GOLGA3: variants seen among roughly 807,000 people sequenced by gnomAD.
GOLGA3 encodes golgin subfamily A member 3.
Under a neutral mutation model 169.4 loss-of-function variants are expected in GOLGA3, and 75 were observed. That is an observed-to-expected ratio of 0.44 (90% CI 0.37 to 0.54). The LOEUF (loss-of-function observed/expected upper bound fraction) is 0.54, where lower values mean the gene tolerates loss of function less well. Ranked by LOEUF, GOLGA3 falls within the 20% of genes least tolerant of loss-of-function variation. The pLI is 0.00. For missense variants in GOLGA3, 1,899 were observed against 1,930.0 expected (o/e 0.98, Z 0.30); for synonymous variants, 824 against 822.4 (o/e 1.00, Z -0.03).
At chr12:132,820,260 G>A (rs1950154019) in intron 2 of GOLGA3, among the ~76,000 whole-genome samples, 1 of 151,982 alleles carries the variant, frequency 6.6e-6, no homozygotes, top group South Asian at 2.1e-4. Context: ...GATCACTTAA[G>A]CCCAGGAGTT....
chr12:132,784,747 G>A (rs1380844680), intron 15 of GOLGA3, among the ~76,000 whole-genome samples: 2 of 145,652 alleles, frequency 1.4e-5, no homozygotes, highest in African/African-American at 2.5e-5. Flanking sequence ...ACACGCACAT[G>A]CTCACACCCC....
At chr12:132,785,354 G>A (rs55866381) in intron 15 of GOLGA3, among the ~76,000 whole-genome samples, 48,067 of 152,036 alleles carry the variant, frequency 0.32, 9,352 homozygotes, top group Non-Finnish European at 0.44. Context: ...CGCCCGGGCT[G>A]GAGTGCAGCA....
intron 10 of GOLGA3, 94 bp downstream of exon 10, chr12:132,796,445 A>AC: frequency 7.1e-7 from 1 of 1,401,952 alleles, no homozygotes. Flanking sequence ...ACGTGGCCCC[A>AC]CAGCAGAGGA....
rs141925656 is a variant in GOLGA3, at chr12:132,801,329, C to A, written c.1800+438G>T. Among the ~76,000 whole-genome samples, 6 of 152,292 alleles carry A rather than the reference C, an allele frequency of 3.9e-5. No individual in the cohort carries two copies. The East Asian group carries it at 1.2e-3, about 30-fold the overall frequency. ...GAAAAGCTCCAACCGGGAAGAGAAC[C>A]CCACTGGCACCGCACGCCTGTGAGA... On this transcript the variant is annotated intron_variant, in intron 8 of 23. Coordinates refer to ENST00000450791, the MANE Select transcript of GOLGA3 (RefSeq NM_001389683.1).
intron 4 of GOLGA3, among the ~76,000 whole-genome samples, chr12:132,811,482 A>T (rs115250236): frequency 0.08 from 11,899 of 149,262 alleles, 930 homozygotes; most frequent in African/African-American, 0.19. Flanking sequence ...TTGCATTTTT[A>T]TTTTTTTTTT....
At chr12:132,790,747 T>C (rs2046181022) in intron 12 of GOLGA3, among the ~76,000 whole-genome samples, 1 of 151,698 alleles carries the variant, frequency 6.6e-6, no homozygotes. Context: ...ATTAAGTACC[T>C]TTAAAAAAAG....
chr12:132,827,556 T>C (rs545225602), intron 1 of GOLGA3: 1 of 152,362 alleles, frequency 6.6e-6, no homozygotes, highest in African/African-American at 2.4e-5. Flanking sequence ...CGATTTTCCC[T>C]TTAGTTGTTG....
Position 132,782,490 on chromosome 12 carries a change from G to A in GOLGA3, c.3271C>T (p.Gln1091Ter), listed in dbSNP as rs2045658413. The A allele has an allele frequency of 1.2e-6, 2 of 1,612,370 alleles. No homozygotes were observed. Among genetic ancestry groups the A allele is most frequent in the Admixed American group, 3.3e-5 (2 of 60,004 alleles). The change falls in exon 17 of 24, where the codon CAA (glutamine) becomes TAA (stop). Residue 1091 changes from glutamine (Q) to a stop codon, truncating the protein, a stop_gained. Transcript: ENST00000450791. LOFTEE classifies it high-confidence loss of function. ...EKVLELEDEL[Q>*]ESRGFRKKIK... ...TTCTTCCTAAAGCCTCTGGATTCTT[G>A]AAGCTGAAACATACCAATGTCACTG...
rs34633724 is a variant in GOLGA3, at chr12:132,814,023, C to CT, written c.407-605dup. On this transcript the variant is annotated intron_variant, in intron 3 of 23. Transcript: ENST00000450791. ...ACAGGCGTGAGCCACCGCGCCCGGCCTTTTTTTTTTTTTTTTTTGAGACGG... is the reference window on the plus strand; with the variant it reads ...ACAGGCGTGAGCCACCGCGCCCGGCCTTTTTTTTTTTTTTTTTTTGAGACGG... Among the ~76,000 whole-genome samples, 707 of 102,956 alleles carry CT rather than the reference C, an allele frequency of 6.9e-3. 6 individuals carry two copies. Among genetic ancestry groups the CT allele is most frequent in the Non-Finnish European group, 0.01 (549 of 52,842 alleles). The allele number at this position is 102,956 out of a possible 152,430, so 67.5% of individuals were successfully genotyped here.
chr12:132,820,978 T>C (rs1220684003), intron 2 of GOLGA3, among the ~76,000 whole-genome samples: 2 of 151,074 alleles, frequency 1.3e-5, no homozygotes, highest in African/African-American at 2.4e-5. Context: ...CAGGTGCCTG[T>C]AGTCCCAGCT....
intron 9 of GOLGA3, among the ~76,000 whole-genome samples, chr12:132,797,887 G>A (rs1462478848): frequency 2.0e-5 from 3 of 152,240 alleles, no homozygotes; most frequent in Admixed American, 6.5e-5. Flanking sequence ...TGCAGTCTGA[G>A]TGCTCAGTAA....
chr12:132,776,935 G>A, intron 20 of GOLGA3, 23 bp downstream of exon 20: 2 of 1,562,410 alleles, frequency 1.3e-6, no homozygotes, highest in Admixed American at 3.7e-5. Context: ...AGCCCTGCAA[G>A]TCCAGCCCCC....
chr12:132,821,978 A>C lies in GOLGA3; in HGVS notation c.133+18T>G. ...AGGTCCTCCTGTGACCAGCACACAGAGGAACCTCACGACTTACACTGGACT... is the reference window on the plus strand; with the variant it reads ...AGGTCCTCCTGTGACCAGCACACAGCGGAACCTCACGACTTACACTGGACT... On this transcript the variant is annotated intron_variant, in intron 2 of 23. Coordinates refer to ENST00000450791, the MANE Select transcript of GOLGA3 (RefSeq NM_001389683.1). 9.5e-6 allele frequency: 15 copies of C among 1,576,956 alleles called. No homozygotes were observed. Among genetic ancestry groups the C allele is most frequent in the Non-Finnish European group, 1.3e-5 (15 of 1,159,138 alleles).
rs1194010736 is a variant in GOLGA3, at chr12:132,787,908, C to G, written c.2811+1119G>C. On this transcript the variant is annotated intron_variant, in intron 13 of 23. Transcript: ENST00000450791. ...AGGACCCTTCCTGAGACCCCAGGACCCTTCCCTGGACCCCCCCCGGATGCC... is the reference window on the plus strand; with the variant it reads ...AGGACCCTTCCTGAGACCCCAGGACGCTTCCCTGGACCCCCCCCGGATGCC... Among the ~76,000 whole-genome samples the G allele has an allele frequency of 1.5e-5, 2 of 137,056 alleles. 1 individual carries two copies. The highest frequency in any genetic ancestry group is 5.5e-5 in the African/African-American group (2 of 36,048). The allele number at this position is 137,056 out of a possible 152,430, so 89.9% of individuals were successfully genotyped here. A position where few individuals can be genotyped will look rare whatever the true frequency, so the allele number is the denominator to read the frequency against.
intron 1 of GOLGA3, among the ~76,000 whole-genome samples, chr12:132,824,833 AAC>A (rs1950346357): frequency 6.6e-6 from 1 of 152,128 alleles, no homozygotes; most frequent in Admixed American, 6.5e-5. Context: ...TTCCAGGAAA[AAC>A]ACTGCGATCT....
chr12:132,799,816 C>T (rs1949042913), intron 8 of GOLGA3, among the ~76,000 whole-genome samples: 1 of 152,036 alleles, frequency 6.6e-6, no homozygotes, highest in South Asian at 2.1e-4. Flanking sequence ...TCTTGGCTCA[C>T]TACAACCTCT....
intron 11 of GOLGA3, among the ~76,000 whole-genome samples, chr12:132,792,259 G>A (rs1389132281): frequency 6.6e-6 from 1 of 152,198 alleles, no homozygotes. Context: ...GGTGGGAGAG[G>A]GGATGAGGCC....
In GOLGA3 at chr12:132,777,029, G is replaced by A. The variant is rs758445674; in HGVS notation, c.3784C>T (p.Arg1262Trp). The change falls in exon 20 of 24, where the codon CGG (arginine) becomes TGG (tryptophan). Residue 1262 changes from arginine (R) to tryptophan (W), a missense_variant. Physicochemically the swap from Arg to Trp is moderately radical, Grantham distance 101 (BLOSUM62 -3). Transcript: ENST00000450791. This position sits in a 1 kb window ranked among gnomAD's most constrained non-coding sequence, Gnocchi z 4.7. ...TTCTGCAGGAGCTGGAGCTGTGCCC[G>A]GGCCTCGGCCAGCTCTGCTTGGAAC... Reference protein sequence around the residue: ...AQFQAELAEARAQLQLLQKQL... With the variant: ...AQFQAELAEAWAQLQLLQKQL... 1.9e-5 allele frequency: 30 copies of A among 1,611,570 alleles called. No homozygotes were observed. The highest frequency in any genetic ancestry group is 5.5e-5 in the South Asian group (5 of 90,768).
At chr12:132,814,928 C>A (rs1371071454) in intron 3 of GOLGA3, among the ~76,000 whole-genome samples, 1 of 152,226 alleles carries the variant, frequency 6.6e-6, no homozygotes, top group African/African-American at 2.4e-5. Context: ...GAGTGTGTGG[C>A]CTCATCCTTC....
Sources: allele counts gnomAD v4.1 joint callset (sites outside exome capture counted in the v4.1 genomes callset), GRCh38; gene constraint gnomAD v4.1.1; non-coding constraint Gnocchi (gnomAD v3.1); transcripts MANE v1.5; gene names NCBI Gene and HGNC (gene_info 2026-07-23, HGNC 2026-07-21).